The following CNTNAP2 variants were observed in gnomAD, a reference collection of about 807,000 sequenced individuals.
CNTNAP2 encodes the protein contactin associated protein 2, also known as contactin-associated protein-like 2.
CNTNAP2 carries 98 observed loss-of-function variants against 155.2 expected under a neutral mutation model. The observed-to-expected ratio is 0.63, with a 90% CI of 0.54 to 0.75. The LOEUF is 0.75. CNTNAP2 is among the 30% of genes least tolerant of loss of function. The probability of loss-of-function intolerance (pLI) is 0.00; values close to 1 mark genes in which losing one functional copy is unlikely to be tolerated. For synonymous variants in CNTNAP2, 651 were observed against 631.2 expected (o/e 1.03, Z -0.47); for missense variants, 1,727 against 1,688.1 (o/e 1.02, Z -0.40).
chr7:148,095,214 A>C (rs1803937981), intron 15 of CNTNAP2, among the ~76,000 whole-genome samples: 1 of 152,116 alleles, frequency 6.6e-6, no homozygotes, highest in South Asian at 2.1e-4. Context: ...AACCCTGCAA[A>C]GAAAGCAATG....
At chr7:148,113,957 G>A (rs1195746677) in intron 15 of CNTNAP2, among the ~76,000 whole-genome samples, 4 of 152,124 alleles carry the variant, frequency 2.6e-5, no homozygotes, top group Non-Finnish European at 5.9e-5. Context: ...TTCCCTCTCA[G>A]TTTCCAGCCT....
intron 2 of CNTNAP2, among the ~76,000 whole-genome samples, chr7:146,813,014 A>G (rs1803096306): frequency 6.6e-6 from 1 of 152,172 alleles, no homozygotes; most frequent in African/African-American, 2.4e-5. Context: ...GAGGTTTGAG[A>G]ACCTCTGCCT....
intron 13 of CNTNAP2, among the ~76,000 whole-genome samples, chr7:147,669,943 C>T (rs779254769): frequency 6.6e-5 from 10 of 152,138 alleles, no homozygotes; most frequent in South Asian, 2.1e-4. Flanking sequence ...AGGTAATCCA[C>T]GGTTCTGCTT....
intron 1 of CNTNAP2, among the ~76,000 whole-genome samples, chr7:146,596,786 C>T (rs530159403): frequency 2.2e-4 from 34 of 152,138 alleles, no homozygotes; most frequent in African/African-American, 7.7e-4. Context: ...GTGACTTAAA[C>T]TCTTTATATC....
At chr7:147,311,339 A>C (rs1206474919) in intron 9 of CNTNAP2, among the ~76,000 whole-genome samples, 1 of 152,192 alleles carries the variant, frequency 6.6e-6, no homozygotes, top group African/African-American at 2.4e-5. Flanking sequence ...TCTGACATTC[A>C]AGAATGGTGA....
intron 4 of CNTNAP2, among the ~76,000 whole-genome samples, chr7:147,065,005 G>A (rs1799751684): frequency 6.6e-6 from 1 of 152,094 alleles, no homozygotes; most frequent in Non-Finnish European, 1.5e-5. Context: ...AAGTAAATCT[G>A]TTCTATACAT....
intron 1 of CNTNAP2, among the ~76,000 whole-genome samples, chr7:146,380,784 C>CTTTTTTTTTTTTTTTTTTTTTTTTT (rs56886106): frequency 2.6e-5 from 1 of 38,810 alleles, no homozygotes; most frequent in African/African-American, 7.8e-5. Flanking sequence ...TATGCACGTT[C>CTTTTTTTTTTTTTTTTTTTTTTTTT]TTTTTTTTTT....
chr7:148,014,276 T>TAAAAAAAAAAAAAAAAAAAAAAAAAAAAA (rs200736202), intron 15 of CNTNAP2: 1 of 118,700 alleles, frequency 8.4e-6, no homozygotes. Flanking sequence ...CAAGTAAACA[T>TAAAAAAAAAAAAAAAAAAAAAAAAAAAAA]AAAAAAAAAA....
chr7:146,401,582 A>T (rs1000297258), intron 1 of CNTNAP2, among the ~76,000 whole-genome samples: 8 of 152,130 alleles, frequency 5.3e-5, no homozygotes, highest in Admixed American at 2.6e-4. Context: ...TTTCACATAT[A>T]TAAATTGTGT....
chr7:147,527,459 G>A (rs993519297), intron 11 of CNTNAP2, among the ~76,000 whole-genome samples: 5 of 152,122 alleles, frequency 3.3e-5, no homozygotes, highest in African/African-American at 7.2e-5. Flanking sequence ...TATGCGCAGC[G>A]TTATACCTCA....
rs147840702 is a variant in CNTNAP2, at chr7:146,521,884, A to G, written c.98-252387A>G. On this transcript the variant is annotated intron_variant, in intron 1 of 23. Transcript: ENST00000361727. Reference sequence around the variant, plus strand: ...AATCTAAAATACATTCAAAGGCTTTAATTCCGCCTAGTGTTTTTCAGTGCC... The same window carrying G: ...AATCTAAAATACATTCAAAGGCTTTGATTCCGCCTAGTGTTTTTCAGTGCC... 7.1e-3 allele frequency among the ~76,000 whole-genome samples: 1,078 copies of G among 152,148 alleles called. 13 individuals are homozygous for G. Among genetic ancestry groups the G allele is most frequent in the African/African-American group, 0.022 (903 of 41,552 alleles).
intron 9 of CNTNAP2, among the ~76,000 whole-genome samples, chr7:147,373,366 G>A (rs965284854): frequency 6.6e-6 from 1 of 151,952 alleles, no homozygotes; most frequent in Non-Finnish European, 1.5e-5. Context: ...ACCAGAAGTT[G>A]ATGTAGTTTT....
intron 3 of CNTNAP2, among the ~76,000 whole-genome samples, chr7:147,033,092 G>A (rs965892905): frequency 2.7e-5 from 4 of 146,402 alleles, no homozygotes; most frequent in African/African-American, 5.0e-5. Flanking sequence ...ACATTAAGAA[G>A]ACAAGATGTA....
chr7:147,613,758 G>A (rs57395175), intron 12 of CNTNAP2, among the ~76,000 whole-genome samples: 2,786 of 152,132 alleles, frequency 0.018, 93 homozygotes, highest in African/African-American at 0.063. Flanking sequence ...CAGGAGAATC[G>A]CTTGAACCCA....
At chr7:148,307,427 A>G (rs561312982) in intron 21 of CNTNAP2, among the ~76,000 whole-genome samples, 5 of 152,068 alleles carry the variant, frequency 3.3e-5, no homozygotes, top group Non-Finnish European at 5.9e-5. Context: ...ACTTCTCAGC[A>G]CTCTCCACCT....
chr7:146,444,711 G>A (rs1043655487), intron 1 of CNTNAP2, among the ~76,000 whole-genome samples: 3 of 150,360 alleles, frequency 2.0e-5, no homozygotes, highest in Admixed American at 6.6e-5. Context: ...AGGCTAGGGT[G>A]CAGTGGCATG....
intron 1 of CNTNAP2, among the ~76,000 whole-genome samples, chr7:146,435,449 CTTTGTAAGCGTAGAG>C (rs1796229828): frequency 6.6e-6 from 1 of 152,072 alleles, no homozygotes; most frequent in African/African-American, 2.4e-5. Context: ...AATTGTGTGC[CTTTGTAAGCGTAGAG>C]TTTGTACGAA....
intron 1 of CNTNAP2, among the ~76,000 whole-genome samples, chr7:146,584,714 T>G (rs1006173050): frequency 1.3e-5 from 2 of 152,202 alleles, no homozygotes; most frequent in Non-Finnish European, 2.9e-5. Context: ...TGTGTCTCAG[T>G]GGCCTGACCG....
chr7:146,146,294 A>G (rs1429669824), intron 1 of CNTNAP2, among the ~76,000 whole-genome samples: 3 of 152,214 alleles, frequency 2.0e-5, no homozygotes, highest in Non-Finnish European at 4.4e-5. Flanking sequence ...GACATTCAGT[A>G]ACCATTCATT....
Sources: allele counts gnomAD v4.1 joint callset (sites outside exome capture counted in the v4.1 genomes callset), GRCh38; gene constraint gnomAD v4.1.1; transcripts MANE v1.5; gene names NCBI Gene and HGNC (gene_info 2026-07-23, HGNC 2026-07-21).